CPED1: variants seen among roughly 807,000 people sequenced by gnomAD.
The protein encoded by CPED1 is cadherin like and PC-esterase domain containing 1.
In CPED1, 114 loss-of-function variants were observed where a neutral mutation model predicts 128.2. The ratio of observed to expected loss-of-function variants is 0.89; its 90% CI spans 0.76 to 1.04. CPED1 has a LOEUF of 1.04. CPED1 is among the 50% of genes least tolerant of loss of function. The pLI is 0.00. For synonymous variants in CPED1, 462 were observed against 426.7 expected, an observed-to-expected ratio of 1.08 and a Z score of -1.02; for missense variants, 1,211 against 1,207.1, an observed-to-expected ratio of 1.00 and a Z score of -0.05.
chr7:121,204,938 G>A (rs1797485246), intron 16 of CPED1, among the ~76,000 whole-genome samples: 1 of 152,080 alleles, frequency 6.6e-6, no homozygotes, highest in Non-Finnish European at 1.5e-5. Context: ...TAATCCTGAT[G>A]ATTCAAATGG....
At chr7:121,011,205 A>G (rs1042690707) in intron 2 of CPED1, among the ~76,000 whole-genome samples, 7 of 151,734 alleles carry the variant, frequency 4.6e-5, no homozygotes, top group African/African-American at 1.7e-4. Flanking sequence ...TCTTTCTGCT[A>G]TGTGAAAAAA....
chr7:121,261,501 A>T, intron 18 of CPED1: 1 of 1,304,940 alleles, frequency 7.7e-7, no homozygotes, highest in Non-Finnish European at 1.1e-6. Context: ...TATATTTCTC[A>T]GTGTCTCCTG....
At chr7:121,194,527 T>G (rs1470935817) in intron 16 of CPED1, among the ~76,000 whole-genome samples, 1 of 152,292 alleles carries the variant, frequency 6.6e-6, no homozygotes, top group East Asian at 1.9e-4. Context: ...GGATGATTAT[T>G]TCATTTACCA....
At chr7:121,144,211 C>T (rs187578863) in intron 16 of CPED1, among the ~76,000 whole-genome samples, 9 of 152,114 alleles carry the variant, frequency 5.9e-5, no homozygotes, top group African/African-American at 2.2e-4. Flanking sequence ...TAAAGGAAAT[C>T]AGTATATTGA....
At chr7:121,174,714 G>T (rs538750606) in intron 16 of CPED1, among the ~76,000 whole-genome samples, 1 of 151,696 alleles carries the variant, frequency 6.6e-6, no homozygotes, top group Non-Finnish European at 1.5e-5. Flanking sequence ...GGGCTTTTTT[G>T]GTTGTTCCAT....
intron 11 of CPED1, among the ~76,000 whole-genome samples, chr7:121,128,865 C>A (rs1795576119): frequency 6.6e-6 from 1 of 151,988 alleles, no homozygotes. Context: ...GCTTATTATA[C>A]CCTTTTTGTT....
At chr7:121,196,688 C>T (rs987221322) in intron 16 of CPED1, among the ~76,000 whole-genome samples, 1 of 152,046 alleles carries the variant, frequency 6.6e-6, no homozygotes, top group Non-Finnish European at 1.5e-5. Context: ...GGCAGCAGCT[C>T]TCTTATAAAT....
chr7:121,202,796 T>C (rs139874029), intron 16 of CPED1, among the ~76,000 whole-genome samples: 4 of 152,232 alleles, frequency 2.6e-5, no homozygotes, highest in African/African-American at 9.6e-5. Flanking sequence ...GTGAGCCTGA[T>C]TGGGAAATAA....
chr7:121,121,515 A>G (rs1795388300), intron 7 of CPED1, among the ~76,000 whole-genome samples: 1 of 152,214 alleles, frequency 6.6e-6, no homozygotes, highest in Non-Finnish European at 1.5e-5. Flanking sequence ...AAATAGTTTC[A>G]TGTCATGTTA....
chr7:121,075,780 A>T (rs1794109289), intron 5 of CPED1, among the ~76,000 whole-genome samples: 1 of 152,192 alleles, frequency 6.6e-6, no homozygotes, highest in African/African-American at 2.4e-5. Flanking sequence ...ATAGGCTGAA[A>T]TCTACATATA....
intron 22 of CPED1, among the ~76,000 whole-genome samples, chr7:121,281,367 A>C (rs1404200398): frequency 6.6e-6 from 1 of 152,178 alleles, no homozygotes; most frequent in Non-Finnish European, 1.5e-5. Flanking sequence ...TGCAATGTTA[A>C]GTTTGGTTTC....
intron 22 of CPED1, among the ~76,000 whole-genome samples, chr7:121,275,131 G>A (rs544756782): frequency 3.3e-5 from 5 of 152,204 alleles, no homozygotes; most frequent in South Asian, 2.1e-4. Flanking sequence ...AGATATTGAT[G>A]TTTTTTCTTT....
chr7:121,124,517 A>G, intron 8 of CPED1, 44 bp downstream of exon 8: 2 of 1,351,472 alleles, frequency 1.5e-6, no homozygotes, highest in Non-Finnish European at 9.8e-7. Flanking sequence ...AAAGAAAGAA[A>G]GCAACCTATC....
In CPED1 at chr7:121,295,568, G is replaced by T; in HGVS notation, c.2997G>T (p.Ser999=). ...LQQGTVTNFR[S]PYHVRGPINQ... is the part of the protein sequence containing the mutation. ...AAGGCACTGTAACAAATTTTCGATC[G>T]CCATATCATGTCAGAGGTCCAATAA... The change falls in exon 23 of 23, where the codon TCG becomes TCT. Residue 999 remains serine, a synonymous_variant. Coordinates refer to ENST00000310396, the MANE Select transcript of CPED1 (RefSeq NM_024913.5). 6.2e-7 allele frequency: 1 copy of T among 1,613,982 alleles called. No individual in the cohort carries two copies. The highest frequency in any genetic ancestry group is 8.5e-7 in the Non-Finnish European group (1 of 1,179,908).
Position 121,071,143 on chromosome 7 carries a change from A to G in CPED1, c.616+6830A>G, listed in dbSNP as rs1197326081. ...AAAGCCATTTGGTCTCCAAGAAGAG[A>G]AGAGTTGAAGATACAGGAAAGTACA... On this transcript the variant is annotated intron_variant, in intron 5 of 22. Coordinates refer to ENST00000310396, the MANE Select transcript of CPED1 (RefSeq NM_024913.5). 2.0e-5 allele frequency among the ~76,000 whole-genome samples: 3 copies of G among 152,156 alleles called. No individual in the cohort carries two copies. In the East Asian group the frequency reaches 5.8e-4, roughly 29 times the overall value.
chr7:121,070,359 C>T (rs764234781), intron 5 of CPED1, among the ~76,000 whole-genome samples: 13 of 151,760 alleles, frequency 8.6e-5, no homozygotes, highest in African/African-American at 2.7e-4. Flanking sequence ...CCTGATACCC[C>T]CTCTCTGTGG....
chr7:121,115,877 A>G (rs745740326), intron 7 of CPED1, among the ~76,000 whole-genome samples: 7 of 152,214 alleles, frequency 4.6e-5, no homozygotes, highest in African/African-American at 7.2e-5. Context: ...TAGAGAGTTC[A>G]ATGATAAAAT....
chr7:121,285,920 C>T (rs758246268), intron 22 of CPED1, among the ~76,000 whole-genome samples: 1 of 152,162 alleles, frequency 6.6e-6, no homozygotes, highest in African/African-American at 2.4e-5. Context: ...CAGCAGTCCC[C>T]ACTACTAGGT....
intron 3 of CPED1, among the ~76,000 whole-genome samples, chr7:121,034,016 A>G (rs1792811479): frequency 6.6e-6 from 1 of 152,198 alleles, no homozygotes; most frequent in Non-Finnish European, 1.5e-5. Flanking sequence ...AATAACATTT[A>G]GTAGAACAGG....
Sources: allele counts gnomAD v4.1 joint callset (sites outside exome capture counted in the v4.1 genomes callset), GRCh38; gene constraint gnomAD v4.1.1; transcripts MANE v1.5; gene names NCBI Gene and HGNC (gene_info 2026-07-23, HGNC 2026-07-21).